The following APBA2 variants were observed in gnomAD, a reference collection of about 807,000 sequenced individuals.
APBA2 encodes amyloid beta precursor protein binding family A member 2, also known as amyloid-beta A4 precursor protein-binding family A member 2.
A neutral mutation model predicts 75.0 loss-of-function variants in APBA2; 30 were observed. The observed-to-expected ratio is 0.40, with a 90% confidence interval of 0.30 to 0.54. The LOEUF is 0.54. Among genes scored for constraint, APBA2 ranks in the 20% least tolerant of loss-of-function variants. The probability of loss-of-function intolerance (pLI) is 0.49; values close to 1 mark genes in which losing one functional copy is unlikely to be tolerated. For synonymous variants in APBA2, 444 were observed against 409.6 expected (o/e 1.08, Z -1.01); for missense variants, 801 against 1,016.1 (o/e 0.79, Z 2.88).
intron 9 of APBA2, among the ~76,000 whole-genome samples, chr15:29,100,656 C>T (rs1374463171): frequency 1.3e-5 from 2 of 152,180 alleles, no homozygotes; most frequent in Non-Finnish European, 2.9e-5. Flanking sequence ...GTTTGGGCTC[C>T]CTGGGAAGAG....
Position 29,113,910 on chromosome 15 carries a change from G to A in APBA2, c.2072G>A (p.Arg691Gln). Residue 691 changes from arginine (R) to glutamine (Q), a missense_variant, in exon 14 of 15, where the codon CGA becomes CAA. Arg to Gln is a conservative substitution (Grantham distance 43). This residue lies in a region of APBA2 where 367 missense variants were observed against 544.5 expected (regional missense o/e 0.67). Coordinates refer to ENST00000683413, the MANE Select transcript of APBA2 (RefSeq NM_001353788.2). The part of the protein sequence containing the change: ...CSLMRGGIAE[R>Q]GGVRVGHRII... Reference sequence around the variant, plus strand: ...CTCATGAGAGGGGGCATTGCTGAGCGAGGGGGCGTCCGTGTGGGCCACCGC... The same window carrying A: ...CTCATGAGAGGGGGCATTGCTGAGCAAGGGGGCGTCCGTGTGGGCCACCGC... 1 of 1,612,922 alleles carries A rather than the reference G, an allele frequency of 6.2e-7. No individual in the cohort carries two copies. The highest frequency in any genetic ancestry group is 8.5e-7 in the Non-Finnish European group (1 of 1,180,028).
At chr15:29,019,089 C>T (rs1273033205) in intron 3 of APBA2, among the ~76,000 whole-genome samples, 2 of 152,174 alleles carry the variant, frequency 1.3e-5, no homozygotes, top group Admixed American at 1.3e-4. Context: ...TGGCTAAGGC[C>T]AGGGCTGGAA....
rs150414826 is a variant in APBA2, at chr15:29,043,707, C to A, written c.-40-10138C>A. Among the ~76,000 whole-genome samples the A allele has an allele frequency of 2.0e-5, 3 of 152,266 alleles. No homozygotes were observed. In the East Asian group the frequency reaches 5.8e-4, roughly 29 times the overall value. ...GTGCTAACACTGATTTATCTAGGAT[C>A]CTGTTATTGAAGGTTTAGTGTGTGC... is the stretch of plus-strand genomic sequence containing the variant. On this transcript the variant is annotated intron_variant, in intron 3 of 14. Coordinates refer to ENST00000683413, the MANE Select transcript of APBA2 (RefSeq NM_001353788.2).
At chr15:29,089,190 C>T (rs1391494984) in intron 6 of APBA2, among the ~76,000 whole-genome samples, 4 of 152,180 alleles carry the variant, frequency 2.6e-5, no homozygotes, top group African/African-American at 4.8e-5. Flanking sequence ...GTCTTAACAC[C>T]GGTCTTTATA....
chr15:28,951,235 A>G (rs2035854598), intron 2 of APBA2, among the ~76,000 whole-genome samples: 1 of 152,240 alleles, frequency 6.6e-6, no homozygotes, highest in African/African-American at 2.4e-5. Flanking sequence ...CATAGGTTAT[A>G]TGCAGATTCT....
At chr15:29,070,222 GAT>G (rs1214057883) in intron 4 of APBA2, among the ~76,000 whole-genome samples, 1 of 152,196 alleles carries the variant, frequency 6.6e-6, no homozygotes, top group African/African-American at 2.4e-5. Context: ...AAATGGTTAA[GAT>G]AGTATATTTT....
chr15:28,930,420 G>C (rs2152687060), intron 2 of APBA2, among the ~76,000 whole-genome samples: 1 of 152,274 alleles, frequency 6.6e-6, no homozygotes, highest in Non-Finnish European at 1.5e-5. Context: ...GGAGCTTTCT[G>C]TCGTTCTAAG....
intron 2 of APBA2, among the ~76,000 whole-genome samples, chr15:28,940,813 A>G (rs1295180484): frequency 6.6e-6 from 1 of 152,212 alleles, no homozygotes; most frequent in Non-Finnish European, 1.5e-5. Flanking sequence ...ATGCTTTGTC[A>G]TAGCAGATAA....
intron 2 of APBA2, among the ~76,000 whole-genome samples, chr15:28,952,045 C>T (rs547961336): frequency 2.0e-5 from 3 of 152,092 alleles, no homozygotes; most frequent in East Asian, 3.9e-4. Flanking sequence ...TGCACCACCA[C>T]GCCTGGCTAA....
In APBA2 at chr15:28,923,979, A is replaced by G. The variant is rs112927567; in HGVS notation, c.-95+2230A>G. Among the ~76,000 whole-genome samples, 491 of 152,306 alleles carry G rather than the reference A, an allele frequency of 3.2e-3. 2 individuals are homozygous for G. Among genetic ancestry groups the G allele is most frequent in the Non-Finnish European group, 5.5e-3 (373 of 68,022 alleles). The stretch of plus-strand genomic sequence containing the variant: ...TTCTTTGTTGGTTTTGAGTGATTTC[A>G]AGAGAAGATGCAGAAAGGCTGTGAC... On this transcript the variant is annotated intron_variant, in intron 2 of 14. Transcript: ENST00000683413.
intron 7 of APBA2, among the ~76,000 whole-genome samples, chr15:29,093,700 C>T (rs372824267): frequency 1.3e-5 from 2 of 152,140 alleles, no homozygotes; most frequent in Admixed American, 6.5e-5. Flanking sequence ...GATGAGGCCA[C>T]GTCAGCAAAA....
In APBA2 at chr15:29,108,320, G is replaced by A. The variant is rs138813322; in HGVS notation, c.1968G>A (p.Pro656=). The A allele has an allele frequency of 6.8e-5, 110 of 1,613,908 alleles. No homozygotes were observed. Among genetic ancestry groups the A allele is most frequent in the Middle Eastern group, 1.6e-4 (1 of 6,084 alleles). ...AGCTCAACATTGTCAGCTGTCCCCC[G>A]GTCACCACGGTCCTTATCAAGCGGC... is the stretch of plus-strand genomic sequence containing the variant. ...QVKLNIVSCP[P]VTTVLIKRPD... The change falls in exon 13 of 15, where the codon CCG becomes CCA. Residue 656 remains proline (P), a synonymous_variant. Transcript: ENST00000683413.
At chr15:29,036,573 T>A (rs1424931122) in intron 3 of APBA2, among the ~76,000 whole-genome samples, 1 of 152,050 alleles carries the variant, frequency 6.6e-6, no homozygotes, top group Non-Finnish European at 1.5e-5. Flanking sequence ...GGGAACTGTG[T>A]ATGAGGGTTT....
At chr15:29,079,432 G>A (rs559958738) in intron 6 of APBA2, among the ~76,000 whole-genome samples, 2 of 152,292 alleles carry the variant, frequency 1.3e-5, no homozygotes, top group African/African-American at 4.8e-5. Context: ...TGAATATCTA[G>A]TTGAACCTTA....
chr15:28,951,083 T>G (rs1306450068), intron 2 of APBA2, among the ~76,000 whole-genome samples: 1 of 152,214 alleles, frequency 6.6e-6, no homozygotes, highest in Non-Finnish European at 1.5e-5. Flanking sequence ...GAAAAATAGA[T>G]GGTTGCATCT....
At chr15:28,932,312 T>C (rs2034606976) in intron 2 of APBA2, among the ~76,000 whole-genome samples, 1 of 152,112 alleles carries the variant, frequency 6.6e-6, no homozygotes, top group South Asian at 2.1e-4. Context: ...TTCTGTACTG[T>C]AGTGCAGTGC....
rs530881096 is a variant in APBA2 at position 29,022,088 on chromosome 15, G to A, written c.-41+26282G>A. ...ACATATCTTGGGTATTGTGAATAAT[G>A]CCGCAGTGAGCGTGGGAGTGCAGAC... On this transcript the variant is annotated intron_variant, in intron 3 of 14. Transcript: ENST00000683413. Among the ~76,000 whole-genome samples the A allele has an allele frequency of 2.4e-4, 37 of 152,280 alleles. 1 individual carries two copies. In the South Asian group the frequency reaches 7.7e-3, roughly 32 times the overall value.
chr15:28,941,624 A>G (rs1221266322), intron 2 of APBA2, among the ~76,000 whole-genome samples: 2 of 151,852 alleles, frequency 1.3e-5, no homozygotes, highest in African/African-American at 2.4e-5. Flanking sequence ...GGCTATGATT[A>G]CCCTACAACC....
At chr15:28,984,948 C>G (rs1339612558) in intron 2 of APBA2, among the ~76,000 whole-genome samples, 1 of 151,726 alleles carries the variant, frequency 6.6e-6, no homozygotes, top group Non-Finnish European at 1.5e-5. Flanking sequence ...CCTCTCTCCC[C>G]CTCCGCCAAC....
Sources: gnomAD v4.1 joint callset for allele counts (sites outside exome capture counted in the v4.1 genomes callset) on GRCh38, gnomAD v4.1.1 for gene constraint, gnomAD v4.1.1 regional missense constraint, MANE v1.5 for transcripts, NCBI Gene and HGNC (gene_info 2026-07-23, HGNC 2026-07-21) for gene names.